Variants in FMN2 observed in about 807,000 individuals in gnomAD.
The protein encoded by FMN2 is formin-2.
In FMN2, 51 loss-of-function variants were observed where a neutral mutation model predicts 142.3. That is an observed-to-expected ratio of 0.36 (90% CI 0.29 to 0.45). FMN2 has a LOEUF of 0.45. FMN2 is among the 20% of genes least tolerant of loss of function. FMN2 has a pLI of 1.00. For missense variants in FMN2, 1,936 were observed against 2,122.8 expected (o/e 0.91, Z 1.73); for synonymous variants, 882 against 869.8 (o/e 1.01, Z -0.25).
At chr1:240,460,670 G>A (rs1676419150) in intron 16 of FMN2, among the ~76,000 whole-genome samples, 1 of 151,162 alleles carries the variant, frequency 6.6e-6, no homozygotes, top group South Asian at 2.1e-4. Context: ...AATATATAAT[G>A]TATATATAAT....
At chr1:240,226,811 C>T (rs1447241032) in intron 6 of FMN2, among the ~76,000 whole-genome samples, 1 of 62,554 alleles carries the variant, frequency 1.6e-5, no homozygotes, top group Non-Finnish European at 4.2e-5. Context: ...ACTTTAGTGA[C>T]ACACACACAC....
intron 5 of FMN2, among the ~76,000 whole-genome samples, chr1:240,209,033 C>T (rs1295753947): frequency 6.6e-6 from 1 of 152,062 alleles, no homozygotes; most frequent in Non-Finnish European, 1.5e-5. Context: ...TCTTAAAATA[C>T]ATGCTCTGTT....
chr1:240,378,108 T>C (rs968856404), intron 14 of FMN2, among the ~76,000 whole-genome samples: 5 of 151,946 alleles, frequency 3.3e-5, no homozygotes, highest in African/African-American at 1.2e-4. Flanking sequence ...TATATGTGTA[T>C]ATGTGTTTTT....
chr1:240,161,537 A>G (rs1664282202), intron 2 of FMN2, among the ~76,000 whole-genome samples: 1 of 152,116 alleles, frequency 6.6e-6, no homozygotes, highest in South Asian at 2.1e-4. Flanking sequence ...CACCTGAAAA[A>G]AAAAAAAAAT....
Position 240,473,714 on chromosome 1 carries a change from T to G in FMN2, c.5143-414T>G, listed in dbSNP as rs139597517. ...GATTCAGTCTTATAACTGTATTGAA[T>G]GTGGAGGAATAGTTACTTATTAGTG... On this transcript the variant is annotated intron_variant, in intron 17 of 17. Coordinates refer to ENST00000319653, the MANE Select transcript of FMN2 (RefSeq NM_020066.5). The surrounding 1 kb of genome is among the most constrained non-coding windows in gnomAD (Gnocchi z 4.3). Among the ~76,000 whole-genome samples, 796 of 152,284 alleles carry G rather than the reference T, an allele frequency of 5.2e-3. 6 individuals are homozygous for G. Among genetic ancestry groups the G allele is most frequent in the Non-Finnish European group, 8.7e-3 (589 of 68,012 alleles).
chr1:240,405,285 A>G (rs1674108521), intron 15 of FMN2, among the ~76,000 whole-genome samples: 1 of 152,194 alleles, frequency 6.6e-6, no homozygotes, highest in South Asian at 2.1e-4. Context: ...TTTTAAAAAA[A>G]TAGAAAGTAG....
At chr1:240,424,825 A>C (rs1674883191) in intron 15 of FMN2, among the ~76,000 whole-genome samples, 1 of 152,234 alleles carries the variant, frequency 6.6e-6, no homozygotes, top group Admixed American at 6.5e-5. Context: ...CACAGAAGAC[A>C]TGGCTTGAGG....
intron 8 of FMN2, among the ~76,000 whole-genome samples, chr1:240,310,962 A>G (rs1482619011): frequency 6.6e-6 from 1 of 152,158 alleles, no homozygotes; most frequent in East Asian, 1.9e-4. Flanking sequence ...ATTCAACCAG[A>G]CCAAAACCTG....
rs563163509 is a variant in FMN2 at position 240,137,069 on chromosome 1, C to CAAAAA, written c.1782+13745_1782+13749dup. Among the ~76,000 whole-genome samples the CAAAAA allele has an allele frequency of 3.2e-3, 243 of 76,170 alleles. 1 individual carries two copies. The highest frequency in any genetic ancestry group is 0.01 in the African/African-American group (214 of 20,454). The allele number at this position is 76,170 out of a possible 152,430, so 50.0% of individuals were successfully genotyped here. ...TGGGTGACAGAGTGAAACTCCGTCT[C>CAAAAA]AAAAAAAAAAAAAAAAAAAAAAAAA... On this transcript the variant is annotated intron_variant, in intron 2 of 17. Coordinates refer to ENST00000319653, the MANE Select transcript of FMN2 (RefSeq NM_020066.5).
chr1:240,100,484 A>G (rs1323385488), intron 1 of FMN2, among the ~76,000 whole-genome samples: 1 of 152,220 alleles, frequency 6.6e-6, no homozygotes, highest in Non-Finnish European at 1.5e-5. Context: ...CTTAAAATAT[A>G]TGGAAAATAT....
chr1:240,328,167 A>AAAAAAAAAAGAAAAAG (rs1558435720), intron 8 of FMN2, among the ~76,000 whole-genome samples: 1 of 141,074 alleles, frequency 7.1e-6, no homozygotes, highest in Non-Finnish European at 1.5e-5. Flanking sequence ...AAAAAAAAAA[A>AAAAAAAAAAGAAAAAG]AAAAAGAAAA....
At chr1:240,117,182 T>C (rs1036842722) in intron 1 of FMN2, among the ~76,000 whole-genome samples, 6 of 152,190 alleles carry the variant, frequency 3.9e-5, no homozygotes, top group African/African-American at 1.4e-4. Flanking sequence ...GTGAGCATTT[T>C]TGCATATTTG....
At position 240,178,044 on chromosome 1, in the gene FMN2, C is replaced by T. The variant is rs1272317766; in HGVS notation, c.1906C>T (p.His636Tyr). ...GPPSKPPDEE[H>Y]RLEDAETESQ... is the part of the protein sequence containing the mutation. ...ACCATCCAAACCTCCCGATGAGGAACACAGGCTCGAGGATGCTGAAACAGG... is the reference window on the plus strand; with the variant it reads ...ACCATCCAAACCTCCCGATGAGGAATACAGGCTCGAGGATGCTGAAACAGG... The change falls in exon 3 of 18, where the codon CAC (histidine) becomes TAC (tyrosine). Residue 636 changes from histidine (H) to tyrosine (Y), a missense_variant. Coordinates refer to ENST00000319653, the MANE Select transcript of FMN2 (RefSeq NM_020066.5). 3 of 1,607,530 alleles carry T rather than the reference C, an allele frequency of 1.9e-6. No homozygotes were observed. The highest frequency in any genetic ancestry group is 2.5e-6 in the Non-Finnish European group (3 of 1,177,974).
intron 16 of FMN2, among the ~76,000 whole-genome samples, chr1:240,455,089 A>C (rs1676194739): frequency 6.6e-6 from 1 of 152,122 alleles, no homozygotes; most frequent in African/African-American, 2.4e-5. Context: ...ACTGATTACA[A>C]TCCACTAGTG....
intron 14 of FMN2, among the ~76,000 whole-genome samples, chr1:240,374,017 C>G (rs1027250746): frequency 6.6e-6 from 1 of 152,146 alleles, no homozygotes; most frequent in African/African-American, 2.4e-5. Context: ...GGCATGAAAG[C>G]AAAATGAATC....
intron 16 of FMN2, among the ~76,000 whole-genome samples, chr1:240,442,323 A>T (rs17682283): frequency 6.6e-6 from 1 of 151,954 alleles, no homozygotes; most frequent in Non-Finnish European, 1.5e-5. Flanking sequence ...GGAACTCCAA[A>T]TGAATTGTGT....
Position 240,124,790 on chromosome 1 carries a change from C to A in FMN2, c.1782+1445C>A, listed in dbSNP as rs1416015852. Among the ~76,000 whole-genome samples, 5 of 152,128 alleles carry A rather than the reference C, an allele frequency of 3.3e-5. No homozygotes were observed. The East Asian group carries it at 9.7e-4, about 29-fold the overall frequency. Reference sequence around the variant, plus strand: ...TCAAGCGATTCTCCTGCCTCAGCCTCTTGAGTAACTGGGATTACAGGTGCG... The same window carrying A: ...TCAAGCGATTCTCCTGCCTCAGCCTATTGAGTAACTGGGATTACAGGTGCG... On this transcript the variant is annotated intron_variant, in intron 2 of 17. Transcript: ENST00000319653.
chr1:240,421,445 GT>G (rs775417552), intron 15 of FMN2, among the ~76,000 whole-genome samples: 34 of 151,896 alleles, frequency 2.2e-4, no homozygotes, highest in South Asian at 4.2e-4. Flanking sequence ...AATAATTTAG[GT>G]CTGTCTGTTT....
intron 4 of FMN2, among the ~76,000 whole-genome samples, chr1:240,192,860 G>A (rs1221513557): frequency 6.6e-6 from 1 of 151,492 alleles, no homozygotes; most frequent in Non-Finnish European, 1.5e-5. Flanking sequence ...TTTTGGTGTG[G>A]GAATAATTTT....
Sources: gnomAD v4.1 joint callset for allele counts (sites outside exome capture counted in the v4.1 genomes callset) on GRCh38, gnomAD v4.1.1 for gene constraint, Gnocchi (gnomAD v3.1) non-coding constraint, MANE v1.5 for transcripts, NCBI Gene and HGNC (gene_info 2026-07-23, HGNC 2026-07-21) for gene names.